CASK: variants seen among roughly 807,000 people sequenced by gnomAD.
CASK encodes peripheral plasma membrane protein CASK.
In CASK, 4 loss-of-function variants were observed where a neutral mutation model predicts 82.9. The observed-to-expected ratio is 0.05, with a 90% CI of 0.02 to 0.11. The LOEUF (loss-of-function observed/expected upper bound fraction) is 0.11. Ranked by LOEUF, CASK falls within the 10% of genes least tolerant of loss-of-function variation. The probability of loss-of-function intolerance (pLI) is 1.00; values close to 1 mark genes in which losing one functional copy is unlikely to be tolerated. For missense variants in CASK, 358 were observed against 720.9 expected (o/e 0.50, Z 5.76); for synonymous variants, 259 against 253.5 (o/e 1.02, Z -0.20).
rs967223255 is a variant in CASK, at chrX:41,645,413, T to C, written c.832-8752A>G. Among the ~76,000 whole-genome samples, 3 of 111,281 alleles carry C rather than the reference T, an allele frequency of 2.7e-5. No homozygotes were observed. In the Admixed American group the frequency reaches 2.9e-4, roughly 11 times the overall value. On this transcript the variant is annotated intron_variant, in intron 8 of 26. Transcript: ENST00000378163. Reference sequence around the variant, plus strand: ...CTAGGAACCTGGCACAATTATAACATGAGGAAGAGGATATGCTTGTGTTTC... The same window carrying C: ...CTAGGAACCTGGCACAATTATAACACGAGGAAGAGGATATGCTTGTGTTTC...
intron 11 of CASK, among the ~76,000 whole-genome samples, chrX:41,612,371 A>C (rs1365232147): frequency 1.2e-4 from 9 of 75,277 alleles, no homozygotes; most frequent in South Asian, 6.9e-4. Context: ...AAGTGAGGAG[A>C]CCCTCCGCCC....
chrX:41,852,882 T>C (rs1043761988), intron 2 of CASK, among the ~76,000 whole-genome samples: 11 of 111,118 alleles, frequency 9.9e-5, no homozygotes, highest in Admixed American at 4.8e-4. Context: ...TCAAAAAACA[T>C]AGGCCCATAG....
At chrX:41,736,077 C>G (rs1227901859) in intron 5 of CASK, among the ~76,000 whole-genome samples, 2 of 111,731 alleles carry the variant, frequency 1.8e-5, no homozygotes, top group Admixed American at 1.9e-4. Flanking sequence ...AGTAGGCACT[C>G]AATAAATATC....
chrX:41,710,769 A>G (rs1602504252), intron 5 of CASK, among the ~76,000 whole-genome samples: 1 of 111,668 alleles, frequency 9.0e-6, no homozygotes, highest in Admixed American at 9.5e-5. Flanking sequence ...CCCATCCCCA[A>G]CCTCCAAGGA....
chrX:41,771,172 C>T (rs938192507), intron 3 of CASK, among the ~76,000 whole-genome samples: 1 of 112,280 alleles, frequency 8.9e-6, no homozygotes, highest in African/African-American at 3.2e-5. Flanking sequence ...AGAGAAGTTA[C>T]AGCCCCTGCT....
intron 5 of CASK, chrX:41,727,105 A>G: frequency 8.5e-7 from 1 of 1,177,172 alleles, no homozygotes; most frequent in Non-Finnish European, 1.2e-6. Context: ...CCTCCTTTGT[A>G]TTGTTGGTGT....
At chrX:41,568,032 T>C (rs990458513) in intron 16 of CASK, among the ~76,000 whole-genome samples, 1 of 91,129 alleles carries the variant, frequency 1.1e-5, no homozygotes, top group African/African-American at 4.5e-5. Flanking sequence ...AGGTGGGAAC[T>C]GAACAATGAG....
rs1171294061 is a variant in CASK, at chrX:41,636,679, T to C, written c.832-18A>G. Reference sequence around the variant, plus strand: ...TCCCGCTCCTATGTAAGATGAAAGATAATGAACATATATAACCGTTTAAAA... The same window carrying C: ...TCCCGCTCCTATGTAAGATGAAAGACAATGAACATATATAACCGTTTAAAA... On this transcript the variant is annotated intron_variant, in intron 8 of 26. Coordinates refer to ENST00000378163, the MANE Select transcript of CASK (RefSeq NM_001367721.1). The C allele has an allele frequency of 9.7e-7, 1 of 1,035,439 alleles. No individual in the cohort carries two copies. Among genetic ancestry groups the C allele is most frequent in the Non-Finnish European group, 1.4e-6 (1 of 734,835 alleles). The allele number at this position is 1,035,439 out of a possible 1,213,427, so 85.3% of individuals were successfully genotyped here.
At chrX:41,601,274 C>T (rs1015577367) in intron 12 of CASK, among the ~76,000 whole-genome samples, 1 of 110,594 alleles carries the variant, frequency 9.0e-6, no homozygotes, top group Non-Finnish European at 1.9e-5. Flanking sequence ...ATATATCTTG[C>T]CACAACAAAA....
chrX:41,571,054 G>A (rs1022203646), intron 15 of CASK: 5 of 111,629 alleles, frequency 4.5e-5, no homozygotes, highest in African/African-American at 1.6e-4. Context: ...ATATATTGTT[G>A]GATTTGCTTT....
At chrX:41,821,769 G>A (rs781484583) in intron 2 of CASK, among the ~76,000 whole-genome samples, 8 of 112,296 alleles carry the variant, frequency 7.1e-5, no homozygotes, top group Non-Finnish European at 1.3e-4. Flanking sequence ...CTGAGCAAAA[G>A]GATGTCTCTC....
At chrX:41,625,220 C>G (rs2066347741) in intron 10 of CASK, among the ~76,000 whole-genome samples, 1 of 91,648 alleles carries the variant, frequency 1.1e-5, no homozygotes, top group South Asian at 6.3e-4. Flanking sequence ...GAGTCTCACT[C>G]TGTCGCCCAG....
chrX:41,877,422 G>A (rs1358889802), intron 1 of CASK, among the ~76,000 whole-genome samples: 1 of 111,537 alleles, frequency 9.0e-6, no homozygotes, highest in Non-Finnish European at 1.9e-5. Flanking sequence ...TTTCCACAGT[G>A]GAGAGGAATG....
chrX:41,612,753 G>C (rs753869924), intron 11 of CASK, among the ~76,000 whole-genome samples: 32 of 76,154 alleles, frequency 4.2e-4, no homozygotes, highest in African/African-American at 1.2e-3. Context: ...GAGGGAGGTG[G>C]GGGGGGGTCA....
intron 5 of CASK, among the ~76,000 whole-genome samples, chrX:41,733,050 C>T: frequency 9.2e-6 from 1 of 109,125 alleles, no homozygotes. Flanking sequence ...GTGGCAGGCG[C>T]CTGTAATCTC....
At position 41,881,498 on chromosome X, in the gene CASK, A is replaced by G. The variant is rs1426767963; in HGVS notation, c.60-28271T>C. On this transcript the variant is annotated intron_variant, in intron 1 of 26. Coordinates refer to ENST00000378163, the MANE Select transcript of CASK (RefSeq NM_001367721.1). The stretch of plus-strand genomic sequence containing the variant: ...TCTCCCTCTCTAACTTGCAAGTTCC[A>G]TGACAGAAAGGACAGCTTCTATATT... 3.6e-5 allele frequency among the ~76,000 whole-genome samples: 4 copies of G among 111,144 alleles called. No individual in the cohort carries two copies. The South Asian group carries it at 1.1e-3, about 31-fold the overall frequency.
At chrX:41,716,154 A>G (rs2068058426) in intron 5 of CASK, among the ~76,000 whole-genome samples, 1 of 112,580 alleles carries the variant, frequency 8.9e-6, no homozygotes, top group Non-Finnish European at 1.9e-5. Context: ...TAGTTTGCTC[A>G]GAGTGCCATA....
intron 5 of CASK, among the ~76,000 whole-genome samples, chrX:41,681,046 G>A (rs1414878403): frequency 8.9e-6 from 1 of 112,139 alleles, no homozygotes; most frequent in African/African-American, 3.2e-5. Flanking sequence ...TGAACTGTGT[G>A]GGTCCACTTA....
At chrX:41,603,286 T>C (rs912556308) in intron 12 of CASK, among the ~76,000 whole-genome samples, 1 of 112,372 alleles carries the variant, frequency 8.9e-6, no homozygotes, top group Non-Finnish European at 1.9e-5. Context: ...CTCCAGATTA[T>C]TGTAGAAGTT....
Sources: allele counts gnomAD v4.1 joint callset (sites outside exome capture counted in the v4.1 genomes callset), GRCh38; gene constraint gnomAD v4.1.1; transcripts MANE v1.5; gene names NCBI Gene and HGNC (gene_info 2026-07-23, HGNC 2026-07-21).